Variants in RERE observed in about 807,000 individuals in gnomAD.
RERE encodes arginine-glutamic acid dipeptide repeats.
Under a neutral mutation model 146.1 loss-of-function variants are expected in RERE, and 40 were observed. That is an observed-to-expected ratio of 0.27 (90% CI 0.21 to 0.36). The LOEUF (loss-of-function observed/expected upper bound fraction) is 0.36. Among genes scored for constraint, RERE ranks in the 10% least tolerant of loss-of-function variants. The probability of loss-of-function intolerance (pLI) is 1.00; values close to 1 mark genes in which losing one functional copy is unlikely to be tolerated. For synonymous variants in RERE, 1,003 were observed against 866.0 expected, an observed-to-expected ratio of 1.16 and a Z score of -2.78; for missense variants, 1,933 against 2,138.7, an observed-to-expected ratio of 0.90 and a Z score of 1.90.
chr1:8,372,506 T>A lies in RERE; in HGVS notation c.1285-6532A>T, dbSNP rs1401350712. Among the ~76,000 whole-genome samples the A allele has an allele frequency of 6.8e-5, 3 of 43,934 alleles. No homozygotes were observed. The East Asian group carries it at 8.3e-3, about 121-fold the overall frequency. 28.8% of individuals were successfully genotyped at this position (43,934 alleles called of 152,430 possible). On this transcript the variant is annotated intron_variant, in intron 12 of 22. Coordinates refer to ENST00000400908, the MANE Select transcript of RERE (RefSeq NM_001042681.2). Reference sequence around the variant, plus strand: ...CTGCAGCCTGCCACCTACCATCAGGTCGTGTGTGTGTGTGTGTGTGTGTGT... The same window carrying A: ...CTGCAGCCTGCCACCTACCATCAGGACGTGTGTGTGTGTGTGTGTGTGTGT...
intron 4 of RERE, among the ~76,000 whole-genome samples, chr1:8,564,121 T>A (rs952867359): frequency 6.6e-6 from 1 of 152,164 alleles, no homozygotes; most frequent in African/African-American, 2.4e-5. Context: ...GGGGACACAG[T>A]CATAATGGCT....
chr1:8,806,099 G>A (rs1314496797), intron 1 of RERE, among the ~76,000 whole-genome samples: 2 of 151,968 alleles, frequency 1.3e-5, no homozygotes, highest in African/African-American at 2.4e-5. Context: ...CAATCCGCCC[G>A]TGTTGGCCTC....
At chr1:8,507,348 G>A (rs568673748) in intron 8 of RERE, among the ~76,000 whole-genome samples, 10 of 152,312 alleles carry the variant, frequency 6.6e-5, no homozygotes, top group South Asian at 2.1e-4. Context: ...AGCAACAGTC[G>A]TGACACAGCA....
At chr1:8,376,779 C>CTAT (rs1420352508) in intron 12 of RERE, among the ~76,000 whole-genome samples, 1 of 152,258 alleles carries the variant, frequency 6.6e-6, no homozygotes, top group Non-Finnish European at 1.5e-5. Context: ...CATACACCTA[C>CTAT]TATACAAAGC....
Position 8,356,826 on chromosome 1 carries a change from A to G in RERE, c.4340-580T>C, listed in dbSNP as rs956651599. On this transcript the variant is annotated intron_variant, in intron 20 of 22. Transcript: ENST00000400908. The surrounding 1 kb of genome is among the most constrained non-coding windows in gnomAD (Gnocchi z 5.2). ...GCACCACCTCCTGCCCTCACCTCCT[A>G]TCTCCCAGCTCCAGCCAACACAGGC... 1.3e-5 allele frequency among the ~76,000 whole-genome samples: 2 copies of G among 151,904 alleles called. No homozygotes were observed. Among genetic ancestry groups the G allele is most frequent in the Admixed American group, 1.3e-4 (2 of 15,258 alleles).
rs538483365 is a variant in RERE, at chr1:8,797,387, A to T, written c.-145+19773T>A. Among the ~76,000 whole-genome samples, 7 of 152,252 alleles carry T rather than the reference A, an allele frequency of 4.6e-5. No homozygotes were observed. In the South Asian group the frequency reaches 1.5e-3, roughly 32 times the overall value. On this transcript the variant is annotated intron_variant, in intron 1 of 22. Coordinates refer to ENST00000400908, the MANE Select transcript of RERE (RefSeq NM_001042681.2). Reference sequence around the variant, plus strand: ...AGTAAGACTCCGCCTAAAAAAAAAAAAAATCAGCATGAATCACAAAAGAAA... The same window carrying T: ...AGTAAGACTCCGCCTAAAAAAAAAATAAATCAGCATGAATCACAAAAGAAA...
At chr1:8,665,100 T>C (rs1210324714) in intron 1 of RERE, among the ~76,000 whole-genome samples, 1 of 152,188 alleles carries the variant, frequency 6.6e-6, no homozygotes, top group East Asian at 1.9e-4. Flanking sequence ...CACTCCTTCC[T>C]ACCCAGAGTC....
intron 10 of RERE, among the ~76,000 whole-genome samples, chr1:8,489,873 A>G (rs1355110545): frequency 2.6e-5 from 4 of 151,540 alleles, no homozygotes; most frequent in Non-Finnish European, 5.9e-5. Context: ...ACACAGTGAA[A>G]CCCCATCTCT....
chr1:8,588,979 C>T (rs930200094), intron 4 of RERE, among the ~76,000 whole-genome samples: 7 of 150,312 alleles, frequency 4.7e-5, no homozygotes, highest in Non-Finnish European at 8.9e-5. Flanking sequence ...CAAACATCAG[C>T]TGGGTGTGGT....
intron 1 of RERE, among the ~76,000 whole-genome samples, chr1:8,718,736 G>A (rs1257473810): frequency 6.6e-6 from 1 of 152,136 alleles, no homozygotes; most frequent in Non-Finnish European, 1.5e-5. Context: ...GATGGCCAGG[G>A]TTCTCCTAAT....
At position 8,602,510 on chromosome 1, in the gene RERE, AG is replaced by A. The variant is rs1646645712; in HGVS notation, c.522+12050del. Among the ~76,000 whole-genome samples the A allele has an allele frequency of 1.2e-4, 9 of 72,432 alleles. 1 individual carries two copies. The Admixed American group carries it at 1.8e-3, about 15-fold the overall frequency. The allele number at this position is 72,432 out of a possible 152,430, so 47.5% of individuals were successfully genotyped here. A position where few individuals can be genotyped will look rare whatever the true frequency, so the allele number is the denominator to read the frequency against. On this transcript the variant is annotated intron_variant, in intron 4 of 22. Coordinates refer to ENST00000400908, the MANE Select transcript of RERE (RefSeq NM_001042681.2). ...AAGCCCATAAGAATTCCAATAGTTC[AG>A]GGGAAAAAAAAAGAAAAAAAAAAAA...
chr1:8,683,448 G>A (rs1156406368), intron 1 of RERE, among the ~76,000 whole-genome samples: 4 of 152,052 alleles, frequency 2.6e-5, no homozygotes, highest in African/African-American at 9.7e-5. Flanking sequence ...GGGGAGGGAT[G>A]GGACACCTTT....
At chr1:8,572,608 T>C (rs1444238597) in intron 4 of RERE, among the ~76,000 whole-genome samples, 1 of 152,204 alleles carries the variant, frequency 6.6e-6, no homozygotes, top group Non-Finnish European at 1.5e-5. Context: ...CCTCAAACTA[T>C]ATAAGGAATA....
At chr1:8,530,088 G>A (rs1260370397) in intron 7 of RERE, among the ~76,000 whole-genome samples, 3 of 152,208 alleles carry the variant, frequency 2.0e-5, no homozygotes, top group African/African-American at 2.4e-5. Context: ...CATACAATCT[G>A]CAACCTGGCA....
At chr1:8,760,338 A>G (rs990851639) in intron 1 of RERE, among the ~76,000 whole-genome samples, 1 of 152,146 alleles carries the variant, frequency 6.6e-6, no homozygotes, top group Non-Finnish European at 1.5e-5. Flanking sequence ...CTAGGCCTGT[A>G]ATAGTTAAGA....
intron 7 of RERE, 119 bp from the exon 8 acceptor site, chr1:8,508,794 A>T (rs1431189986): frequency 1.3e-6 from 1 of 761,414 alleles, no homozygotes. Flanking sequence ...GGAAGAATTA[A>T]CGTCCCCACT....
intron 1 of RERE, among the ~76,000 whole-genome samples, chr1:8,728,188 A>T (rs924611652): frequency 6.6e-6 from 1 of 152,262 alleles, no homozygotes; most frequent in Non-Finnish European, 1.5e-5. Context: ...TGCAAAGCAC[A>T]AACACCAGTA....
At chr1:8,733,043 A>G (rs945295808) in intron 1 of RERE, among the ~76,000 whole-genome samples, 6 of 151,602 alleles carry the variant, frequency 4.0e-5, no homozygotes, top group African/African-American at 1.2e-4. Flanking sequence ...GGATGGTCTC[A>G]ATCTCCTGAC....
intron 1 of RERE, among the ~76,000 whole-genome samples, chr1:8,727,021 G>C (rs1639982946): frequency 6.6e-6 from 1 of 152,090 alleles, no homozygotes; most frequent in Non-Finnish European, 1.5e-5. Context: ...GGCCAGGCTG[G>C]TCTCAAACTC....
Sources: gnomAD v4.1 joint callset for allele counts (sites outside exome capture counted in the v4.1 genomes callset) on GRCh38, gnomAD v4.1.1 for gene constraint, Gnocchi (gnomAD v3.1) non-coding constraint, MANE v1.5 for transcripts, NCBI Gene and HGNC (gene_info 2026-07-23, HGNC 2026-07-21) for gene names.